The following ARK2N variants were observed in gnomAD, a reference collection of about 807,000 sequenced individuals.
ARK2N encodes the protein arkadia (RNF111) N-terminal like PKA signaling regulator 2N.
At chr18:46,249,995 C>T in the ARK2N span, among the ~76,000 whole-genome samples, 1 of 152,004 alleles carries the variant, frequency 6.6e-6, no homozygotes, top group Admixed American at 6.6e-5. Flanking sequence ...TTCCCCGCCC[C>T]CCTCGCCCCA....
At chr18:46,212,195 G>T in the ARK2N span, among the ~76,000 whole-genome samples, 10 of 152,270 alleles carry the variant, frequency 6.6e-5, no homozygotes, top group East Asian at 1.9e-3. Context: ...GTAGTCTAGT[G>T]TTATGGCCCC....
At chr18:46,244,989 G>A in the ARK2N span, among the ~76,000 whole-genome samples, 4 of 152,000 alleles carry the variant, frequency 2.6e-5, no homozygotes, top group Admixed American at 2.0e-4. Flanking sequence ...GCTGGATGCG[G>A]TGGCAGTCTC....
At chr18:46,221,311 T>C in the ARK2N span, among the ~76,000 whole-genome samples, 652 of 151,368 alleles carry the variant, frequency 4.3e-3, 5 homozygotes, top group African/African-American at 0.015. Flanking sequence ...TTTGGGAGGC[T>C]GAGGCAGATG....
the ARK2N span, among the ~76,000 whole-genome samples, chr18:46,184,549 C>T: frequency 1.4e-3 from 211 of 152,264 alleles, no homozygotes; most frequent in African/African-American, 4.7e-3. Context: ...TAGTGAAACT[C>T]CGTCTCTCCT....
the ARK2N span, chr18:46,263,325 C>T: frequency 2.1e-6 from 1 of 467,844 alleles, no homozygotes; most frequent in Admixed American, 3.5e-5. Context: ...AAAAGAATTT[C>T]TTCTTTCCCT....
the ARK2N span, among the ~76,000 whole-genome samples, chr18:46,199,312 A>G: frequency 6.6e-6 from 1 of 151,604 alleles, no homozygotes; most frequent in Non-Finnish European, 1.5e-5. Context: ...ATTTTTAAAA[A>G]TTATTTTATT....
At chr18:46,178,403 T>C in the ARK2N span, among the ~76,000 whole-genome samples, 133,156 of 152,254 alleles carry the variant, frequency 0.87, 58,691 homozygotes, top group African/African-American at 0.97. Context: ...ATCTCCACCT[T>C]CTGGGTTCAA....
the ARK2N span, among the ~76,000 whole-genome samples, chr18:46,195,917 A>G: frequency 1.3e-5 from 2 of 151,890 alleles, no homozygotes; most frequent in South Asian, 4.2e-4. Flanking sequence ...TACCATTGTC[A>G]TCTGCAACAA....
the ARK2N span, among the ~76,000 whole-genome samples, chr18:46,189,209 T>C: frequency 1.5e-5 from 1 of 64,682 alleles, no homozygotes. Context: ...AGCGAGACTG[T>C]CTCAAAAAAA....
chr18:46,247,893 A>ATGG, the ARK2N span, among the ~76,000 whole-genome samples: 1 of 152,180 alleles, frequency 6.6e-6, no homozygotes, highest in Admixed American at 6.5e-5. Context: ...GCTTGGTCTC[A>ATGG]AACACCCGAC....
the ARK2N span, among the ~76,000 whole-genome samples, chr18:46,258,245 CA>C: frequency 6.6e-6 from 1 of 151,518 alleles, no homozygotes; most frequent in Non-Finnish European, 1.5e-5. Context: ...ATATTAACTC[CA>C]AAAAAAACTA....
the ARK2N span, among the ~76,000 whole-genome samples, chr18:46,189,548 C>T: frequency 6.6e-6 from 1 of 152,140 alleles, no homozygotes; most frequent in Non-Finnish European, 1.5e-5. Flanking sequence ...GCCTTAGCCT[C>T]CTGAATAGTT....
the ARK2N span, among the ~76,000 whole-genome samples, chr18:46,221,095 C>A: frequency 6.6e-6 from 1 of 152,174 alleles, no homozygotes; most frequent in African/African-American, 2.4e-5. Flanking sequence ...ATGATTGAGC[C>A]TCTGCACTCC....
chr18:46,221,945 C>T, the ARK2N span, among the ~76,000 whole-genome samples: 1 of 152,206 alleles, frequency 6.6e-6, no homozygotes, highest in Non-Finnish European at 1.5e-5. Context: ...TCACAAAATA[C>T]ATTGATAACA....
chr18:46,257,716 T>C, the ARK2N span, among the ~76,000 whole-genome samples: 2 of 152,038 alleles, frequency 1.3e-5, no homozygotes, highest in East Asian at 1.9e-4. Flanking sequence ...ACCGACCTCA[T>C]TGGTAATTGC....
At chr18:46,240,423 G>A in the ARK2N span, among the ~76,000 whole-genome samples, 7 of 152,180 alleles carry the variant, frequency 4.6e-5, no homozygotes, top group Non-Finnish European at 1.0e-4. Context: ...ATTAATTGTA[G>A]GTATTGGTAG....
chr18:46,206,238 A>C, the ARK2N span, among the ~76,000 whole-genome samples: 1 of 151,442 alleles, frequency 6.6e-6, no homozygotes, highest in Admixed American at 6.6e-5. Context: ...AGCATGCACC[A>C]TTACACACGG....
chr18:46,252,192 CA>C, the ARK2N span, among the ~76,000 whole-genome samples: 214 of 133,432 alleles, frequency 1.6e-3, no homozygotes, highest in Middle Eastern at 0.016. Context: ...GACTCCATCT[CA>C]AAAAAAAAAA....
the ARK2N span, among the ~76,000 whole-genome samples, chr18:46,233,810 A>G: frequency 2.6e-5 from 4 of 152,214 alleles, no homozygotes; most frequent in African/African-American, 7.2e-5. Context: ...ATAATTGAGT[A>G]TAATGGAAAA....
Sources: allele counts gnomAD v4.1 joint callset (sites outside exome capture counted in the v4.1 genomes callset), GRCh38; gene constraint gnomAD v4.1.1; transcripts MANE v1.5; gene names NCBI Gene and HGNC (gene_info 2026-07-23, HGNC 2026-07-21).